Variants in CADPS observed in about 807,000 individuals in gnomAD.
CADPS encodes the protein calcium dependent secretion activator.
CADPS carries 57 observed loss-of-function variants against 167.3 expected under a neutral mutation model. That is an observed-to-expected ratio of 0.34 (90% CI 0.28 to 0.42). The LOEUF (loss-of-function observed/expected upper bound fraction) is 0.42. Among genes scored for constraint, CADPS ranks in the 20% least tolerant of loss-of-function variants. CADPS has a pLI of 1.00. For missense variants in CADPS, 1,414 were observed against 1,738.1 expected (o/e 0.81, Z 3.32); for synonymous variants, 676 against 635.3 (o/e 1.06, Z -0.96).
intron 1 of CADPS, among the ~76,000 whole-genome samples, chr3:62,803,398 C>T (rs1269938037): frequency 2.0e-5 from 3 of 150,400 alleles, no homozygotes; most frequent in African/African-American, 7.4e-5. Context: ...TCACCTCTTC[C>T]TCAGGGCTAT....
intron 3 of CADPS, among the ~76,000 whole-genome samples, chr3:62,747,855 T>C (rs1214814351): frequency 6.6e-6 from 1 of 152,150 alleles, no homozygotes; most frequent in Non-Finnish European, 1.5e-5. Flanking sequence ...AGAGTCATGC[T>C]GCACTTAGTT....
chr3:62,754,081 G>C (rs2083312941), intron 2 of CADPS, among the ~76,000 whole-genome samples: 1 of 152,172 alleles, frequency 6.6e-6, no homozygotes, highest in Non-Finnish European at 1.5e-5. Flanking sequence ...GGCTGCATAG[G>C]TTCTCTGCCC....
At chr3:62,461,708 T>C (rs2059369376) in intron 26 of CADPS, among the ~76,000 whole-genome samples, 1 of 152,250 alleles carries the variant, frequency 6.6e-6, no homozygotes, top group Admixed American at 6.5e-5. Context: ...TCATGTCCTC[T>C]GCAGAGAGAC....
intron 1 of CADPS, among the ~76,000 whole-genome samples, chr3:62,773,386 G>GA (rs1177726999): frequency 1.1e-4 from 16 of 152,034 alleles, no homozygotes; most frequent in African/African-American, 3.9e-4. Flanking sequence ...TTAGCTTGAA[G>GA]AAAAAATCTG....
rs553541324 is a variant in CADPS, at chr3:62,702,904, A to C, written c.889-40510T>G. Among the ~76,000 whole-genome samples, 3 of 152,244 alleles carry C rather than the reference A, an allele frequency of 2.0e-5. No individual in the cohort carries two copies. In the East Asian group the frequency reaches 5.8e-4, roughly 30 times the overall value. On this transcript the variant is annotated intron_variant, in intron 3 of 29. Transcript: ENST00000383710. Reference sequence around the variant, plus strand: ...TTTAATCCTCACAATGATCCCATGCAGTTAGGTATCACCATTAGCCCCATT... The same window carrying C: ...TTTAATCCTCACAATGATCCCATGCCGTTAGGTATCACCATTAGCCCCATT...
At chr3:62,699,850 G>T (rs2081067463) in intron 3 of CADPS, among the ~76,000 whole-genome samples, 1 of 152,062 alleles carries the variant, frequency 6.6e-6, no homozygotes, top group Admixed American at 6.6e-5. Flanking sequence ...AGTACACCGT[G>T]CCTGGCCTGT....
At chr3:62,657,295 C>T (rs9821411) in intron 4 of CADPS, among the ~76,000 whole-genome samples, 18,572 of 152,078 alleles carry the variant, frequency 0.12, 1,155 homozygotes, top group Middle Eastern at 0.23. Flanking sequence ...ATATTTAAAA[C>T]GACGGCTTGA....
chr3:62,826,415 A>T (rs1197472871), intron 1 of CADPS, among the ~76,000 whole-genome samples: 2 of 152,136 alleles, frequency 1.3e-5, no homozygotes, highest in Non-Finnish European at 2.9e-5. Flanking sequence ...GCTATGCAAC[A>T]TGTTATTGTT....
chr3:62,453,006 A>C (rs1308109084), intron 26 of CADPS, among the ~76,000 whole-genome samples: 2 of 151,772 alleles, frequency 1.3e-5, no homozygotes, highest in Non-Finnish European at 2.9e-5. Context: ...GGTTGTGTGC[A>C]CCTATATTCC....
At position 62,465,847 on chromosome 3, in the gene CADPS, C is replaced by T. The variant is rs1279823439; in HGVS notation, c.3553-397G>A. Among the ~76,000 whole-genome samples the T allele has an allele frequency of 6.6e-6, 1 of 152,184 alleles. No homozygotes were observed. The highest frequency in any genetic ancestry group is 2.4e-5 in the African/African-American group (1 of 41,450). ...TATTTTATCAGTAATTTGGGGGAAA[C>T]AGAAGTTTAGCACTGGCAAATATAA... On this transcript the variant is annotated intron_variant, in intron 25 of 29. Transcript: ENST00000383710. This position sits in a 1 kb window ranked among gnomAD's most constrained non-coding sequence, Gnocchi z 4.1.
intron 6 of CADPS, among the ~76,000 whole-genome samples, chr3:62,628,722 G>A (rs970975346): frequency 2.6e-5 from 4 of 151,754 alleles, no homozygotes; most frequent in East Asian, 1.9e-4. Flanking sequence ...TGCCTCCTGG[G>A]TTCAAGTGAT....
rs543859147 is a variant in CADPS, at chr3:62,535,236, CT to C, written c.2103+1208del. On this transcript the variant is annotated intron_variant, in intron 12 of 29. Transcript: ENST00000383710. ...GGTAAGCTTTTTTCTTTTTCTTTTT[CT>C]TTTTTTTTTTTTAAGTCAAAGTGAT... Among the ~76,000 whole-genome samples, 862 of 139,038 alleles carry C rather than the reference CT, an allele frequency of 6.2e-3. 6 individuals are homozygous for C. The highest frequency in any genetic ancestry group is 0.014 in the African/African-American group (540 of 38,260). 91.2% of individuals were successfully genotyped at this position (139,038 alleles called of 152,430 possible). A position where few individuals can be genotyped will look rare whatever the true frequency, so the allele number is the denominator to read the frequency against.
intron 10 of CADPS, among the ~76,000 whole-genome samples, chr3:62,553,229 C>T (rs1475107727): frequency 2.0e-5 from 3 of 152,114 alleles, no homozygotes; most frequent in Non-Finnish European, 2.9e-5. Context: ...CTGGAGCTAC[C>T]GTCAGAAAGT....
At chr3:62,712,399 G>A (rs558654770) in intron 3 of CADPS, among the ~76,000 whole-genome samples, 16 of 152,268 alleles carry the variant, frequency 1.1e-4, no homozygotes, top group East Asian at 3.9e-4. Context: ...CCAATAAGGC[G>A]AAAAATCTGA....
intron 1 of CADPS, among the ~76,000 whole-genome samples, chr3:62,848,276 T>C (rs1412349833): frequency 2.7e-5 from 3 of 109,400 alleles, no homozygotes; most frequent in African/African-American, 4.2e-5. Context: ...AGAAGCTCTT[T>C]AGTTTAATTA....
chr3:62,708,404 G>A (rs535681248), intron 3 of CADPS, among the ~76,000 whole-genome samples: 14 of 152,162 alleles, frequency 9.2e-5, no homozygotes, highest in Non-Finnish European at 4.4e-5. Flanking sequence ...CTAAGTATAT[G>A]CAAACCCTTA....
At chr3:62,690,193 C>A (rs1000537265) in intron 3 of CADPS, among the ~76,000 whole-genome samples, 7 of 151,848 alleles carry the variant, frequency 4.6e-5, no homozygotes, top group African/African-American at 9.7e-5. Context: ...TGGCAGCTGC[C>A]CCTGTTAAGT....
In CADPS at chr3:62,399,347, G is replaced by T; in HGVS notation, c.*59C>A. The T allele has an allele frequency of 6.5e-7, 1 of 1,530,360 alleles. No individual in the cohort carries two copies. The highest frequency in any genetic ancestry group is 9.0e-7 in the Non-Finnish European group (1 of 1,110,438). The allele number at this position is 1,530,360 out of a possible 1,614,324, so 94.8% of individuals were successfully genotyped here. A position where few individuals can be genotyped will look rare whatever the true frequency, so the allele number is the denominator to read the frequency against. On this transcript the variant is annotated 3_prime_UTR_variant, in exon 30 of 30. Transcript: ENST00000383710. This position sits in a 1 kb window ranked among gnomAD's most constrained non-coding sequence, Gnocchi z 5.6. ...AAATTCCTAATGGGTTTAACTAACA[G>T]ACTAAGGACATGCACTGATTACAGG... is the stretch of plus-strand genomic sequence containing the variant.
At chr3:62,518,343 G>A in intron 13 of CADPS, 93 bp from the exon 14 acceptor site, 1 of 912,298 alleles carries the variant, frequency 1.1e-6, no homozygotes, top group Non-Finnish European at 1.7e-6. Context: ...CATTTTAGAA[G>A]AAACAACTAC....
Sources: gnomAD v4.1 joint callset for allele counts (sites outside exome capture counted in the v4.1 genomes callset) on GRCh38, gnomAD v4.1.1 for gene constraint, Gnocchi (gnomAD v3.1) non-coding constraint, MANE v1.5 for transcripts, NCBI Gene and HGNC (gene_info 2026-07-23, HGNC 2026-07-21) for gene names.